ANAPC10: variants seen among roughly 807,000 people sequenced by gnomAD.
ANAPC10 encodes the protein anaphase-promoting complex subunit 10.
Under a neutral mutation model 22.0 loss-of-function variants are expected in ANAPC10, and 12 were observed. The ratio of observed to expected loss-of-function variants is 0.55; its 90% CI spans 0.35 to 0.88. The LOEUF (loss-of-function observed/expected upper bound fraction) is 0.88, where lower values mean the gene tolerates loss of function less well. ANAPC10 is among the 40% of genes least tolerant of loss of function. The pLI, the probability that ANAPC10 is intolerant of heterozygous loss-of-function variation, is 0.01. For synonymous variants in ANAPC10, 65 were observed against 69.5 expected, an observed-to-expected ratio of 0.94 and a Z score of 0.32; for missense variants, 188 against 220.9, an observed-to-expected ratio of 0.85 and a Z score of 0.94.
In ANAPC10 at chr4:145,064,576, AT is replaced by A; in HGVS notation, c.322del (p.Ile108PhefsTer17). The A allele has an allele frequency of 6.2e-7, 1 of 1,602,450 alleles. No homozygotes were observed. Among genetic ancestry groups the A allele is most frequent in the Non-Finnish European group, 8.5e-7 (1 of 1,175,260 alleles). On this transcript the variant is annotated frameshift_variant, in exon 4 of 5. Coordinates refer to ENST00000507656, the MANE Select transcript of ANAPC10 (RefSeq NM_001256706.2). LOFTEE classifies it high-confidence loss of function. ...VGNNFHNLQE[I>X]RQLELVEPSG... ...TTAAAAATTTGAAAGACATACCCGA[AT>A]TTCTTGAAGGTTGTGAAAATTATTT...
chr4:145,059,431 A>G, intron 4 of ANAPC10, among the ~76,000 whole-genome samples: 1 of 152,120 alleles, frequency 6.6e-6, no homozygotes, highest in South Asian at 2.1e-4. Context: ...TTTAAAAAAA[A>G]TCACTTGGTA....
chr4:145,052,887 CAA>C (rs11455853), intron 4 of ANAPC10, among the ~76,000 whole-genome samples: 23 of 95,980 alleles, frequency 2.4e-4, no homozygotes, highest in East Asian at 3.0e-4. Context: ...GACTCTGTCT[CAA>C]AAAAAAAAAA....
chr4:145,063,925 T>TA (rs888771994), intron 4 of ANAPC10: 8 of 152,034 alleles, frequency 5.3e-5, no homozygotes, highest in African/African-American at 1.4e-4. Flanking sequence ...GGATCTATGA[T>TA]AAAAAATCAA....
intron 3 of ANAPC10, among the ~76,000 whole-genome samples, chr4:145,079,771 A>G (rs1245805759): frequency 1.3e-5 from 2 of 152,160 alleles, no homozygotes; most frequent in African/African-American, 2.4e-5. Context: ...GAGAACACAG[A>G]AACAGAAAAC....
chr4:145,046,338 C>T (rs1465643370), intron 4 of ANAPC10, among the ~76,000 whole-genome samples: 1 of 151,976 alleles, frequency 6.6e-6, no homozygotes, highest in Non-Finnish European at 1.5e-5. Context: ...ATACATCCTG[C>T]ATAGAAAGTA....
At chr4:145,007,168 T>C (rs1560812632) in intron 4 of ANAPC10, among the ~76,000 whole-genome samples, 1 of 152,060 alleles carries the variant, frequency 6.6e-6, no homozygotes, top group African/African-American at 2.4e-5. Context: ...CAAAGAGACT[T>C]AGACTCCCAC....
chr4:145,060,970 C>G (rs1742804909), intron 4 of ANAPC10, among the ~76,000 whole-genome samples: 1 of 152,034 alleles, frequency 6.6e-6, no homozygotes, highest in African/African-American at 2.4e-5. Context: ...GTATTCATAT[C>G]ACGAGCTGCA....
intron 4 of ANAPC10, among the ~76,000 whole-genome samples, chr4:145,026,446 C>A (rs1253357466): frequency 6.6e-6 from 1 of 151,740 alleles, no homozygotes; most frequent in Non-Finnish European, 1.5e-5. Flanking sequence ...AAAGACAGAG[C>A]TGAAGTATTA....
chr4:145,027,925 G>C (rs1180887885), intron 4 of ANAPC10, among the ~76,000 whole-genome samples: 1 of 152,174 alleles, frequency 6.6e-6, no homozygotes, highest in Non-Finnish European at 1.5e-5. Context: ...AAGAAAAAGT[G>C]AAGGAAATTC....
intron 4 of ANAPC10, among the ~76,000 whole-genome samples, chr4:145,040,817 T>C (rs943651154): frequency 1.1e-4 from 16 of 152,156 alleles, no homozygotes; most frequent in African/African-American, 3.9e-4. Flanking sequence ...CAAAAAGCCA[T>C]AATTCTACAT....
chr4:145,032,434 G>A (rs1231832285), intron 4 of ANAPC10, among the ~76,000 whole-genome samples: 1 of 152,210 alleles, frequency 6.6e-6, no homozygotes, highest in Non-Finnish European at 1.5e-5. Context: ...TAGGGAAGAG[G>A]TATGTGGATG....
intron 4 of ANAPC10, among the ~76,000 whole-genome samples, chr4:145,054,149 T>G (rs775835758): frequency 1.3e-4 from 20 of 151,524 alleles, no homozygotes; most frequent in Non-Finnish European, 2.2e-4. Flanking sequence ...CTTTGTGATC[T>G]GCCCGCTGCG....
intron 4 of ANAPC10, among the ~76,000 whole-genome samples, chr4:145,030,787 A>C (rs1203296186): frequency 6.6e-6 from 1 of 152,218 alleles, no homozygotes; most frequent in Non-Finnish European, 1.5e-5. Flanking sequence ...ATAGTAAATC[A>C]AAAACAGTAT....
chr4:145,042,991 C>T (rs995660442), intron 4 of ANAPC10, among the ~76,000 whole-genome samples: 31 of 150,994 alleles, frequency 2.1e-4, no homozygotes, highest in African/African-American at 6.8e-4. Flanking sequence ...ACACAAATAG[C>T]GAAGAAGCAC....
intron 4 of ANAPC10, among the ~76,000 whole-genome samples, chr4:145,036,912 T>C (rs151148471): frequency 5.6e-4 from 85 of 151,942 alleles, no homozygotes; most frequent in African/African-American, 1.9e-3. Flanking sequence ...GGAAGGATCA[T>C]AGTTTTCCCT....
intron 3 of ANAPC10, 92 bp downstream of exon 3, chr4:145,081,568 T>A: frequency 1.2e-6 from 1 of 813,154 alleles, no homozygotes; most frequent in East Asian, 2.8e-5. Flanking sequence ...TGTATTTCAT[T>A]GTAATTTCTA....
chr4:144,995,129 G>T lies in ANAPC10; in HGVS notation c.*244C>A. ...AGGAACTCTTTTCTTTTGATACAAG[G>T]GAAAATAAAATGATTGGCTTCAAAT... On this transcript the variant is annotated 3_prime_UTR_variant, in exon 5 of 5. Transcript: ENST00000507656. 3.7e-6 allele frequency: 1 copy of T among 272,278 alleles called. No individual in the cohort carries two copies. The highest frequency in any genetic ancestry group is 4.8e-5 in the Admixed American group (1 of 20,708). The allele number at this position is 272,278 out of a possible 1,614,324, so 16.9% of individuals were successfully genotyped here.
chr4:145,002,935 G>T (rs536857298), intron 4 of ANAPC10, among the ~76,000 whole-genome samples: 26 of 152,232 alleles, frequency 1.7e-4, no homozygotes, highest in South Asian at 1.0e-3. Context: ...ATATCATGAG[G>T]ATTTGGTATA....
rs190861739 is a variant in ANAPC10 at position 145,069,148 on chromosome 4, G to T, written c.207-4456C>A. Among the ~76,000 whole-genome samples, 376 of 152,290 alleles carry T rather than the reference G, an allele frequency of 2.5e-3. 1 individual carries two copies. The highest frequency in any genetic ancestry group is 8.8e-3 in the African/African-American group (366 of 41,564). On this transcript the variant is annotated intron_variant, in intron 3 of 4. Coordinates refer to ENST00000507656, the MANE Select transcript of ANAPC10 (RefSeq NM_001256706.2). Reference sequence around the variant, plus strand: ...CACTACAGACAACTAGAATACTGGAGAACATATCTGAAGCATCCAGAGATG... The same window carrying T: ...CACTACAGACAACTAGAATACTGGATAACATATCTGAAGCATCCAGAGATG...
Sources: allele counts gnomAD v4.1 joint callset (sites outside exome capture counted in the v4.1 genomes callset), GRCh38; gene constraint gnomAD v4.1.1; transcripts MANE v1.5; gene names NCBI Gene and HGNC (gene_info 2026-07-23, HGNC 2026-07-21).